Variants in DNAH7 observed in about 807,000 individuals in gnomAD.
DNAH7 encodes the protein dynein axonemal heavy chain 7, also known as axonemal beta dynein heavy chain 7.
A neutral mutation model predicts 444.6 loss-of-function variants in DNAH7; 397 were observed. The observed-to-expected ratio is 0.89, with a 90% CI of 0.82 to 0.97. The LOEUF is 0.97. DNAH7 is among the 50% of genes least tolerant of loss of function. The pLI is 0.00. For missense variants in DNAH7, 4,902 were observed against 4,800.8 expected (o/e 1.02, Z -0.62); for synonymous variants, 1,636 against 1,624.4 (o/e 1.01, Z -0.17).
intron 47 of DNAH7, among the ~76,000 whole-genome samples, chr2:195,837,711 C>T (rs1318025702): frequency 6.6e-6 from 1 of 152,020 alleles, no homozygotes; most frequent in African/African-American, 2.4e-5. Flanking sequence ...ACCCCACTCA[C>T]AGAACTGTAT....
intron 3 of DNAH7, among the ~76,000 whole-genome samples, chr2:196,050,337 G>A (rs997411404): frequency 2.0e-5 from 3 of 152,072 alleles, no homozygotes; most frequent in Non-Finnish European, 2.9e-5. Flanking sequence ...GCCAGGAGGT[G>A]GGGGAGGGGA....
intron 15 of DNAH7, 42 bp from the exon 16 acceptor site, chr2:195,972,508 G>A (rs1305148372): frequency 1.4e-6 from 2 of 1,457,706 alleles, no homozygotes; most frequent in Admixed American, 1.7e-5. Flanking sequence ...TTAACGAACA[G>A]CTCATGTCAC....
At position 195,806,759 on chromosome 2, in the gene DNAH7, C is replaced by T. The variant is rs6708527; in HGVS notation, c.10157G>A (p.Arg3386His). The change falls in exon 54 of 65, where the codon CGT becomes CAT. Residue 3386 changes from arginine (R) to histidine (H), a missense_variant. Physicochemically the swap from Arg to His is conservative, Grantham distance 29 (BLOSUM62 0). Coordinates refer to ENST00000312428, the MANE Select transcript of DNAH7 (RefSeq NM_018897.3). Reference protein sequence around the residue: ...ANEFQRMLIIRCLRPDKVIPM... With the variant: ...ANEFQRMLIIHCLRPDKVIPM... Reference sequence around the variant, plus strand: ...ATTTACCTTGTCTGGCCTCAAGCAACGAATAATAAGCATCCTTTGAAACTC... The same window carrying T: ...ATTTACCTTGTCTGGCCTCAAGCAATGAATAATAAGCATCCTTTGAAACTC... 3.0e-5 allele frequency: 48 copies of T among 1,613,308 alleles called. No homozygotes were observed. The highest frequency in any genetic ancestry group is 1.3e-4 in the East Asian group (6 of 44,842).
intron 58 of DNAH7, among the ~76,000 whole-genome samples, chr2:195,779,123 G>A (rs540887031): frequency 9.9e-5 from 15 of 152,114 alleles, no homozygotes; most frequent in African/African-American, 2.7e-4. Context: ...GATTACAGGC[G>A]TGACGTACCG....
chr2:195,878,553 T>C (rs2125157914), intron 36 of DNAH7, among the ~76,000 whole-genome samples: 2 of 152,252 alleles, frequency 1.3e-5, no homozygotes, highest in South Asian at 4.2e-4. Context: ...TGAGCTGTGA[T>C]TGTGCCACTG....
At chr2:195,943,019 T>C (rs1017498036) in intron 19 of DNAH7, among the ~76,000 whole-genome samples, 4 of 152,152 alleles carry the variant, frequency 2.6e-5, no homozygotes, top group African/African-American at 9.7e-5. Context: ...GTTCTCATGA[T>C]AGTGAATAAG....
chr2:195,895,211 T>A lies in DNAH7; in HGVS notation c.4661A>T (p.Asp1554Val), dbSNP rs1461203719. The A allele has an allele frequency of 1.9e-6, 3 of 1,605,886 alleles. No homozygotes were observed. Among genetic ancestry groups the A allele is most frequent in the East Asian group, 4.5e-5 (2 of 44,736 alleles). ...DLPLFEGITS[D>V]LFPGVKLPKP... ...TGGTAATTTTACCCCAGGAAACAAA[T>A]CCGAAGTAATTCCCTGATGATAGAT... The change falls in exon 30 of 65, where the codon GAT becomes GTT. Residue 1554 changes from aspartate to valine, a missense_variant. By Grantham distance (152) the Asp-to-Val change is radical. Transcript: ENST00000312428.
At chr2:196,035,216 C>A (rs77984237) in intron 5 of DNAH7, among the ~76,000 whole-genome samples, 2 of 152,038 alleles carry the variant, frequency 1.3e-5, no homozygotes, top group East Asian at 3.9e-4. Context: ...GAAGAAAATA[C>A]AGGAGGAAAT....
In DNAH7 at chr2:195,906,731, G is replaced by A. The variant is rs1687048875; in HGVS notation, c.4263C>T (p.Asp1421=). Residue 1421 remains aspartate, a synonymous_variant, in exon 27 of 65, where the codon GAC becomes GAT. Transcript: ENST00000312428. ...TTGTTATAAAGACAGCACATGTGGG[G>A]TCAAGTTTTAGTTCAGTTCCTTCAA... ...LMFEGTELKL[D]PTCAVFITMN... 1 of 1,613,248 alleles carries A rather than the reference G, an allele frequency of 6.2e-7. No individual in the cohort carries two copies. Among genetic ancestry groups the A allele is most frequent in the African/African-American group, 1.3e-5 (1 of 74,818 alleles).
chr2:195,961,446 G>A (rs1691099768), intron 17 of DNAH7, among the ~76,000 whole-genome samples: 2 of 152,082 alleles, frequency 1.3e-5, no homozygotes, highest in Admixed American at 1.3e-4. Context: ...CTGCTTCTAT[G>A]AATTTGATTT....
At chr2:195,835,451 A>G (rs1032909281) in intron 47 of DNAH7, among the ~76,000 whole-genome samples, 2 of 151,818 alleles carry the variant, frequency 1.3e-5, no homozygotes, top group African/African-American at 4.8e-5. Context: ...TATTAAATTC[A>G]CTCTCATTAT....
intron 14 of DNAH7, among the ~76,000 whole-genome samples, chr2:195,985,695 G>C (rs769697128): frequency 6.6e-5 from 10 of 152,170 alleles, no homozygotes; most frequent in Non-Finnish European, 1.5e-4. Flanking sequence ...GGAAAAAGTA[G>C]AACTGGCACA....
chr2:195,887,030 T>C lies in DNAH7; in HGVS notation c.5407-758A>G, dbSNP rs1053149126. ...CTGAGTTTCTAAGTGTGGGACTAAG[T>C]ATTACTGATGCAACACTAAAATACA... On this transcript the variant is annotated intron_variant, in intron 33 of 64. Transcript: ENST00000312428. Among the ~76,000 whole-genome samples, 12 of 152,288 alleles carry C rather than the reference T, an allele frequency of 7.9e-5. 1 individual carries two copies. Among genetic ancestry groups the C allele is most frequent in the Admixed American group, 2.6e-4 (4 of 15,300 alleles).
intron 57 of DNAH7, among the ~76,000 whole-genome samples, chr2:195,788,735 AT>A (rs1695739888): frequency 6.6e-6 from 1 of 152,230 alleles, no homozygotes; most frequent in Non-Finnish European, 1.5e-5. Flanking sequence ...ACATACAAAT[AT>A]GGAATGAGGA....
intron 60 of DNAH7, among the ~76,000 whole-genome samples, chr2:195,772,916 G>C (rs1308805541): frequency 6.6e-6 from 1 of 152,006 alleles, no homozygotes; most frequent in African/African-American, 2.4e-5. Context: ...AAATAGCTGG[G>C]ATTATAGGGG....
Position 195,808,712 on chromosome 2 carries a change from C to CT in DNAH7, c.10052dup (p.Asp3352GlyfsTer8), listed in dbSNP as rs1289434611. 2 of 1,613,980 alleles carry CT rather than the reference C, an allele frequency of 1.2e-6. No homozygotes were observed. Among genetic ancestry groups the CT allele is most frequent in the Admixed American group, 1.7e-5 (1 of 60,012 alleles). Reference sequence around the variant, plus strand: ...TATCATATACTTTCTTCCATCCATCCTTTAAGCGCATAAACTCTCTACGAA... The same window carrying CT: ...TATCATATACTTTCTTCCATCCATCCTTTTAAGCGCATAAACTCTCTACGAA... On this transcript the variant is annotated frameshift_variant, in exon 53 of 65. Coordinates refer to ENST00000312428, the MANE Select transcript of DNAH7 (RefSeq NM_018897.3). LOFTEE classifies it high-confidence loss of function.
intron 15 of DNAH7, among the ~76,000 whole-genome samples, chr2:195,974,724 T>TAA (rs139275793): frequency 0.055 from 8,241 of 148,934 alleles, 363 homozygotes; most frequent in African/African-American, 0.13. Flanking sequence ...AAAAATATTC[T>TAA]AAAAATATAT....
Position 195,949,276 on chromosome 2 carries a change from C to CTTAT in DNAH7, c.3078+7981_3078+7984dup, listed in dbSNP as rs543137766. Among the ~76,000 whole-genome samples the CTTAT allele has an allele frequency of 4.0e-3, 609 of 151,834 alleles. 2 individuals carry two copies. The highest frequency in any genetic ancestry group is 8.8e-3 in the African/African-American group (366 of 41,464). On this transcript the variant is annotated intron_variant, in intron 19 of 64. Coordinates refer to ENST00000312428, the MANE Select transcript of DNAH7 (RefSeq NM_018897.3). The stretch of plus-strand genomic sequence containing the variant: ...TTCCTCTCTTCCTTTTTGAATACCA[C>CTTAT]TTATTTATTTATTTATTTATTTATT...
chr2:196,031,949 A>G (rs1221146334), intron 5 of DNAH7, among the ~76,000 whole-genome samples: 1 of 152,148 alleles, frequency 6.6e-6, no homozygotes, highest in African/African-American at 2.4e-5. Context: ...ATATCTTTTC[A>G]GCAACACCCC....
Sources: gnomAD v4.1 joint callset for allele counts (sites outside exome capture counted in the v4.1 genomes callset) on GRCh38, gnomAD v4.1.1 for gene constraint, MANE v1.5 for transcripts, NCBI Gene and HGNC (gene_info 2026-07-23, HGNC 2026-07-21) for gene names.